SUSD6: variants seen among roughly 807,000 people sequenced by gnomAD.
SUSD6 encodes sushi domain-containing protein 6.
Under a neutral mutation model 28.4 loss-of-function variants are expected in SUSD6, and 16 were observed. The observed-to-expected ratio is 0.56, with a 90% confidence interval of 0.38 to 0.86. SUSD6 has a LOEUF of 0.86. SUSD6 is among the 40% of genes least tolerant of loss of function. SUSD6 has a pLI of 0.00. For synonymous variants in SUSD6, 147 were observed against 159.6 expected (o/e 0.92, Z 0.59); for missense variants, 341 against 384.2 (o/e 0.89, Z 0.94).
chr14:69,698,872 CT>C (rs1886272237), intron 2 of SUSD6, among the ~76,000 whole-genome samples: 1 of 152,132 alleles, frequency 6.6e-6, no homozygotes, highest in Non-Finnish European at 1.5e-5. Flanking sequence ...TTTTTTCCCC[CT>C]GTAAAATTGT....
intron 1 of SUSD6, among the ~76,000 whole-genome samples, chr14:69,620,015 C>G (rs909488019): frequency 3.3e-5 from 5 of 152,160 alleles, no homozygotes; most frequent in Non-Finnish European, 7.4e-5. Context: ...CTGGCTTTCC[C>G]CATCCCAGAA....
chr14:69,651,154 C>T (rs910809737), intron 1 of SUSD6, among the ~76,000 whole-genome samples: 8 of 152,178 alleles, frequency 5.3e-5, no homozygotes, highest in Admixed American at 3.3e-4. Context: ...GAGGCCAAAC[C>T]GCTTTTCAGT....
chr14:69,704,447 A>G (rs1033079071), intron 3 of SUSD6, among the ~76,000 whole-genome samples, 157 bp from the exon 4 acceptor site: 1 of 152,246 alleles, frequency 6.6e-6, no homozygotes, highest in South Asian at 2.1e-4. Flanking sequence ...CTGTGTATAC[A>G]TAGGTCATTC....
At position 69,635,095 on chromosome 14, in the gene SUSD6, G is replaced by C. The variant is rs527802679; in HGVS notation, c.-81+23267G>C. Among the ~76,000 whole-genome samples, 7 of 152,326 alleles carry C rather than the reference G, an allele frequency of 4.6e-5. No individual in the cohort carries two copies. In the East Asian group the frequency reaches 9.6e-4, roughly 21 times the overall value. ...CGATGAAGATGATGATAATGTTGAT[G>C]ATGATGGAGGACACTCAGTAGCAGT... On this transcript the variant is annotated intron_variant, in intron 1 of 5. Transcript: ENST00000342745.
rs145926800 is a variant in SUSD6 at position 69,664,819 on chromosome 14, C to T, written c.121+6106C>T. On this transcript the variant is annotated intron_variant, in intron 2 of 5. Transcript: ENST00000342745. ...TTAGAGGTTATTCTTCTTACCTACC[C>T]GACTTTCTGCAAAAGAGAGGCACAG... Among the ~76,000 whole-genome samples the T allele has an allele frequency of 9.3e-3, 1,413 of 152,276 alleles. 14 individuals are homozygous for T. Among genetic ancestry groups the T allele is most frequent in the African/African-American group, 0.027 (1,118 of 41,546 alleles).
At chr14:69,624,757 T>TA (rs1225184199) in intron 1 of SUSD6, among the ~76,000 whole-genome samples, 46 of 152,166 alleles carry the variant, frequency 3.0e-4, no homozygotes, top group African/African-American at 1.1e-3. Flanking sequence ...GCCTGGCCGA[T>TA]ACTTAGTTTT....
intron 1 of SUSD6, among the ~76,000 whole-genome samples, chr14:69,645,753 C>T (rs1322270132): frequency 1.4e-5 from 2 of 145,072 alleles, no homozygotes; most frequent in Non-Finnish European, 1.5e-5. Flanking sequence ...CACTTTCTCA[C>T]TTTTTTTTTT....
At chr14:69,693,307 G>C (rs973602465) in intron 2 of SUSD6, among the ~76,000 whole-genome samples, 2 of 151,546 alleles carry the variant, frequency 1.3e-5, no homozygotes, top group Non-Finnish European at 2.9e-5. Flanking sequence ...CCCAGCCCCA[G>C]CTGGCAGCCT....
intron 5 of SUSD6, among the ~76,000 whole-genome samples, 186 bp downstream of exon 5, chr14:69,709,290 G>C (rs180678226): frequency 2.7e-4 from 41 of 152,320 alleles, no homozygotes; most frequent in African/African-American, 9.6e-4. Flanking sequence ...GCTCTCTGTA[G>C]TGAGACTTTT....
At chr14:69,682,947 CTTTTTTTTTTTTTTT>C (rs5809442) in intron 2 of SUSD6, among the ~76,000 whole-genome samples, 3 of 62,668 alleles carry the variant, frequency 4.8e-5, no homozygotes, top group Non-Finnish European at 1.0e-4. Context: ...TCCAAGAAGC[CTTTTTTTTTTTTTTT>C]TTTTTTTTTC....
chr14:69,703,249 C>T lies in SUSD6; in HGVS notation c.122-146C>T. The T allele has an allele frequency of 5.8e-6, 4 of 691,768 alleles. 1 individual carries two copies. The East Asian group carries it at 1.1e-4, about 18-fold the overall frequency. The allele number at this position is 691,768 out of a possible 1,614,324, so 42.9% of individuals were successfully genotyped here. A position where few individuals can be genotyped will look rare whatever the true frequency, so the allele number is the denominator to read the frequency against. On this transcript the variant is annotated intron_variant, in intron 2 of 5. Coordinates refer to ENST00000342745, the MANE Select transcript of SUSD6 (RefSeq NM_014734.4). ...CCTCTGTCAGTGGCAACCTGAGTTT[C>T]CAGGGTTTGGTTAACAGTTCCTCCA...
intron 2 of SUSD6, among the ~76,000 whole-genome samples, chr14:69,686,232 G>C (rs1266250518): frequency 6.6e-6 from 1 of 152,160 alleles, no homozygotes; most frequent in Non-Finnish European, 1.5e-5. Context: ...CATAGCCAAA[G>C]AATAATGTCT....
chr14:69,645,558 T>C (rs1422726491), intron 1 of SUSD6, among the ~76,000 whole-genome samples: 2 of 152,172 alleles, frequency 1.3e-5, no homozygotes, highest in African/African-American at 4.8e-5. Context: ...TCAGAGAGAC[T>C]TTCCATGGAA....
chr14:69,622,531 C>T (rs1319067106), intron 1 of SUSD6, among the ~76,000 whole-genome samples: 1 of 152,166 alleles, frequency 6.6e-6, no homozygotes, highest in African/African-American at 2.4e-5. Context: ...TTACGTTTCT[C>T]TGTGTTTACT....
At chr14:69,666,024 C>A (rs929494640) in intron 2 of SUSD6, among the ~76,000 whole-genome samples, 2 of 152,212 alleles carry the variant, frequency 1.3e-5, no homozygotes, top group Non-Finnish European at 2.9e-5. Context: ...CAATTGATAT[C>A]ATTCCACACT....
intron 1 of SUSD6, among the ~76,000 whole-genome samples, chr14:69,655,661 G>A (rs556348264): frequency 6.6e-6 from 1 of 152,048 alleles, no homozygotes; most frequent in South Asian, 2.1e-4. Context: ...AAAGTTAGGT[G>A]TGGTGGCGTG....
At chr14:69,694,267 A>T (rs1291085268) in intron 2 of SUSD6, among the ~76,000 whole-genome samples, 1 of 152,200 alleles carries the variant, frequency 6.6e-6, no homozygotes, top group Non-Finnish European at 1.5e-5. Flanking sequence ...AGGAATAATA[A>T]AGCTGCTGTT....
At chr14:69,672,219 A>G (rs921234309) in intron 2 of SUSD6, among the ~76,000 whole-genome samples, 11 of 152,208 alleles carry the variant, frequency 7.2e-5, no homozygotes, top group African/African-American at 1.7e-4. Flanking sequence ...GCCCAAACCT[A>G]TGGAATCGAA....
rs1313334673 is a variant in SUSD6 at position 69,638,742 on chromosome 14, T to C, written c.-80-19771T>C. On this transcript the variant is annotated intron_variant, in intron 1 of 5. Transcript: ENST00000342745. The stretch of plus-strand genomic sequence containing the variant: ...CCATACTTTGAATAGTAAGGCTGTG[T>C]CCTTCCTATTCCACCTTTTAATAGT... Among the ~76,000 whole-genome samples, 5 of 152,198 alleles carry C rather than the reference T, an allele frequency of 3.3e-5. No homozygotes were observed. The East Asian group carries it at 9.6e-4, about 29-fold the overall frequency.
Sources: allele counts gnomAD v4.1 joint callset (sites outside exome capture counted in the v4.1 genomes callset), GRCh38; gene constraint gnomAD v4.1.1; transcripts MANE v1.5; gene names NCBI Gene and HGNC (gene_info 2026-07-23, HGNC 2026-07-21).